The following UBE2E2 variants were observed in gnomAD, a reference collection of about 807,000 sequenced individuals.
The protein encoded by UBE2E2 is ubiquitin conjugating enzyme E2 E2.
Under a neutral mutation model 24.7 loss-of-function variants are expected in UBE2E2, and 6 were observed. The ratio of observed to expected loss-of-function variants is 0.24; its 90% CI spans 0.13 to 0.48. The LOEUF is 0.48. UBE2E2 is among the 20% of genes least tolerant of loss of function. UBE2E2 has a pLI of 0.99. For synonymous variants in UBE2E2, 104 were observed against 83.6 expected (o/e 1.24, Z -1.33); for missense variants, 169 against 245.0 (o/e 0.69, Z 2.07).
chr3:23,265,128 G>T (rs761695977), intron 3 of UBE2E2, among the ~76,000 whole-genome samples: 2 of 152,160 alleles, frequency 1.3e-5, no homozygotes, highest in East Asian at 1.9e-4. Flanking sequence ...GAGGATTTTT[G>T]TTTAAGGAAT....
chr3:23,496,276 A>G (rs1230167763), intron 3 of UBE2E2, among the ~76,000 whole-genome samples: 1 of 152,162 alleles, frequency 6.6e-6, no homozygotes. Flanking sequence ...TACCTATGTA[A>G]TAACGTATCT....
intron 5 of UBE2E2, chr3:23,534,374 C>T (rs1024903685): frequency 2.8e-6 from 1 of 352,242 alleles, no homozygotes; most frequent in Admixed American, 6.5e-5. Context: ...ATGCATTCTG[C>T]AAAAACTTAA....
intron 3 of UBE2E2, among the ~76,000 whole-genome samples, chr3:23,400,126 T>G (rs763007878): frequency 2.6e-5 from 4 of 152,200 alleles, no homozygotes; most frequent in Non-Finnish European, 5.9e-5. Context: ...TAAAGTCTTA[T>G]GAAACTCCAT....
At chr3:23,379,215 C>A (rs1171735968) in intron 3 of UBE2E2, among the ~76,000 whole-genome samples, 2 of 151,218 alleles carry the variant, frequency 1.3e-5, no homozygotes, top group African/African-American at 4.9e-5. Context: ...CATGTTTCTT[C>A]AAGATTATGT....
intron 3 of UBE2E2, among the ~76,000 whole-genome samples, chr3:23,476,919 G>A (rs75995268): frequency 0.028 from 4,318 of 152,048 alleles, 92 homozygotes; most frequent in Non-Finnish European, 0.041. Flanking sequence ...TTGTAGTGTT[G>A]ATTTAATTCT....
chr3:23,473,458 T>TG (rs1271213862), intron 3 of UBE2E2, among the ~76,000 whole-genome samples: 3 of 150,382 alleles, frequency 2.0e-5, no homozygotes, highest in African/African-American at 4.9e-5. Context: ...CATAGGTTTT[T>TG]GGGGAACAGG....
chr3:23,315,502 A>G (rs1694549621), intron 3 of UBE2E2, among the ~76,000 whole-genome samples: 2 of 152,128 alleles, frequency 1.3e-5, no homozygotes, highest in Non-Finnish European at 2.9e-5. Context: ...TGTATCTGAT[A>G]GGATTCTGAA....
intron 3 of UBE2E2, among the ~76,000 whole-genome samples, chr3:23,458,812 C>G (rs977912380): frequency 2.0e-5 from 3 of 152,130 alleles, no homozygotes; most frequent in Non-Finnish European, 2.9e-5. Context: ...TGAGCATGTA[C>G]TGCTGGAAAA....
chr3:23,359,054 C>G (rs931841068), intron 3 of UBE2E2, among the ~76,000 whole-genome samples: 1 of 152,176 alleles, frequency 6.6e-6, no homozygotes, highest in Non-Finnish European at 1.5e-5. Context: ...ATGAAGCAGC[C>G]ATGATCTGAT....
At chr3:23,540,939 C>A (rs937964945) in intron 5 of UBE2E2, among the ~76,000 whole-genome samples, 1 of 152,082 alleles carries the variant, frequency 6.6e-6, no homozygotes, top group East Asian at 1.9e-4. Flanking sequence ...AATTTTTAAA[C>A]ATGAAATTAA....
At chr3:23,257,658 A>C (rs1376054744) in intron 3 of UBE2E2, among the ~76,000 whole-genome samples, 1 of 150,538 alleles carries the variant, frequency 6.6e-6, no homozygotes, top group Non-Finnish European at 1.5e-5. Flanking sequence ...GGCACAGGCC[A>C]CCATGGCTGG....
intron 4 of UBE2E2, among the ~76,000 whole-genome samples, chr3:23,521,932 G>T (rs2125475717): frequency 7.0e-6 from 1 of 142,130 alleles, no homozygotes; most frequent in Non-Finnish European, 1.5e-5. Context: ...CTATGTATGT[G>T]CTTAATGAAT....
At chr3:23,568,522 C>T (rs1156602588) in intron 5 of UBE2E2, among the ~76,000 whole-genome samples, 1 of 150,846 alleles carries the variant, frequency 6.6e-6, no homozygotes, top group Non-Finnish European at 1.5e-5. Flanking sequence ...AAAAATACTC[C>T]ATTTAAAGAG....
intron 5 of UBE2E2, among the ~76,000 whole-genome samples, chr3:23,577,258 C>T (rs1310710140): frequency 6.6e-6 from 1 of 151,400 alleles, no homozygotes; most frequent in Non-Finnish European, 1.5e-5. Context: ...CAAGCATTAG[C>T]CAGTTGTGAA....
intron 3 of UBE2E2, among the ~76,000 whole-genome samples, chr3:23,296,266 G>T (rs1698905064): frequency 1.3e-5 from 2 of 151,518 alleles, no homozygotes; most frequent in Admixed American, 6.6e-5. Context: ...TATATTTCCA[G>T]TCACAAAAAA....
chr3:23,217,123 G>A (rs11926494), intron 2 of UBE2E2, 139 bp from the exon 3 acceptor site: 81,647 of 798,532 alleles, frequency 0.1, 5,455 homozygotes, highest in South Asian at 0.21. Context: ...TTGTTTGTTG[G>A]ATGTGATTCT....
intron 4 of UBE2E2, among the ~76,000 whole-genome samples, chr3:23,500,458 C>T (rs997906212): frequency 2.6e-5 from 4 of 152,108 alleles, no homozygotes; most frequent in African/African-American, 7.2e-5. Flanking sequence ...GCCTATAAGT[C>T]GGATATTTGA....
At chr3:23,215,297 G>A (rs1696446145) in intron 2 of UBE2E2, among the ~76,000 whole-genome samples, 1 of 151,888 alleles carries the variant, frequency 6.6e-6, no homozygotes, top group Non-Finnish European at 1.5e-5. Flanking sequence ...TAAGTAAAAG[G>A]CCAATAAATT....
At chr3:23,542,991 C>A (rs1216604428) in intron 5 of UBE2E2, among the ~76,000 whole-genome samples, 1 of 152,148 alleles carries the variant, frequency 6.6e-6, no homozygotes, top group Non-Finnish European at 1.5e-5. Context: ...CCATTGCTCT[C>A]CCTGCAGTAG....
Sources: gnomAD v4.1 joint callset for allele counts (sites outside exome capture counted in the v4.1 genomes callset) on GRCh38, gnomAD v4.1.1 for gene constraint, MANE v1.5 for transcripts, NCBI Gene and HGNC (gene_info 2026-07-23, HGNC 2026-07-21) for gene names.